MSL1: variants seen among roughly 807,000 people sequenced by gnomAD.
The protein encoded by MSL1 is male-specific lethal 1 homolog.
MSL1 carries 21 observed loss-of-function variants against 64.6 expected under a neutral mutation model. The observed-to-expected ratio is 0.33, with a 90% CI of 0.23 to 0.47. MSL1 has a LOEUF of 0.47. Among genes scored for constraint, MSL1 ranks in the 20% least tolerant of loss-of-function variants. MSL1 has a pLI of 1.00. For synonymous variants in MSL1, 339 were observed against 329.6 expected (o/e 1.03, Z -0.31); for missense variants, 664 against 793.2 (o/e 0.84, Z 1.96).
Position 40,133,081 on chromosome 17 carries a change from CTG to C in MSL1, c.1529_1530del (p.Leu510ArgfsTer4). ...DSVFSKRHAK[L>X]ELDEKRRKRW... is the part of the protein sequence containing the mutation. The stretch of plus-strand genomic sequence containing the variant: ...TGTGTTTTCGAAGCGGCATGCAAAA[CTG>C]GAGCTGGATGAGAAGAGAAGGAAAA... On this transcript the variant is annotated frameshift_variant, in exon 6 of 9. Coordinates refer to ENST00000398532, the MANE Select transcript of MSL1 (RefSeq NM_001365919.1). LOFTEE classifies it high-confidence loss of function. The C allele has an allele frequency of 6.2e-7, 1 of 1,611,048 alleles. No individual in the cohort carries two copies. The highest frequency in any genetic ancestry group is 2.2e-5 in the East Asian group (1 of 44,836).
chr17:40,123,871 G>A (rs1988252426), intron 1 of MSL1, among the ~76,000 whole-genome samples: 2 of 152,142 alleles, frequency 1.3e-5, no homozygotes, highest in Admixed American at 6.5e-5. Flanking sequence ...AGGGGTAGAG[G>A]TGATTTACGT....
chr17:40,133,767 A>G (rs1988487477), intron 7 of MSL1, 60 bp from the exon 8 acceptor site: 1 of 1,611,098 alleles, frequency 6.2e-7, no homozygotes, highest in East Asian at 2.2e-5. Context: ...GAGCAGATAT[A>G]GCTTCTAGAC....
intron 5 of MSL1, 61 bp from the exon 6 acceptor site, chr17:40,132,981 G>T: frequency 6.9e-7 from 1 of 1,448,508 alleles, no homozygotes; most frequent in South Asian, 1.2e-5. Context: ...AAATTAGTTA[G>T]TATATGTGTG....
Position 40,129,445 on chromosome 17 carries a change from C to G in MSL1, c.1193C>G (p.Pro398Arg), listed in dbSNP as rs1449926894. The change falls in exon 3 of 9, where the codon CCA becomes CGA. Residue 398 changes from proline (P) to arginine (R), a missense_variant. By Grantham distance (103) the Pro-to-Arg change is moderately radical. Coordinates refer to ENST00000398532, the MANE Select transcript of MSL1 (RefSeq NM_001365919.1). ...EKPRSSVDTP[P>R]RLSTPQKGPS... ...CCCCGGTCTTCAGTGGACACCCCAC[C>G]AAGACTCTCCACTCCCCAAAAGGGA... is the stretch of plus-strand genomic sequence containing the variant. The G allele has an allele frequency of 6.2e-7, 1 of 1,613,674 alleles. No individual in the cohort carries two copies. Among genetic ancestry groups the G allele is most frequent in the Non-Finnish European group, 8.5e-7 (1 of 1,179,782 alleles).
At chr17:40,129,155 C>T (rs952135592) in intron 2 of MSL1, 90 bp from the exon 3 acceptor site, 4 of 1,135,438 alleles carry the variant, frequency 3.5e-6, no homozygotes, top group African/African-American at 3.2e-5. Context: ...GGCAAAAGAA[C>T]CAGCTTATTC....
Position 40,131,890 on chromosome 17 carries a change from G to A in MSL1, c.1424-144G>A. On this transcript the variant is annotated intron_variant, in intron 4 of 8. Transcript: ENST00000398532. This position sits in a 1 kb window ranked among gnomAD's most constrained non-coding sequence, Gnocchi z 4.5. ...CAAGGACACTGAATATGGCTTCAGGGAGGCCATAGAATGGATTCCTATCAC... is the reference window on the plus strand; with the variant it reads ...CAAGGACACTGAATATGGCTTCAGGAAGGCCATAGAATGGATTCCTATCAC... 1 of 642,552 alleles carries A rather than the reference G, an allele frequency of 1.6e-6. No homozygotes were observed. Among genetic ancestry groups the A allele is most frequent in the Non-Finnish European group, 2.7e-6 (1 of 368,704 alleles). The allele number at this position is 642,552 out of a possible 1,614,324, so 39.8% of individuals were successfully genotyped here.
At position 40,129,236 on chromosome 17, in the gene MSL1, A is replaced by G. The variant is rs201879844; in HGVS notation, c.993-9A>G. 1.3e-6 allele frequency: 2 copies of G among 1,531,374 alleles called. No individual in the cohort carries two copies. The highest frequency in any genetic ancestry group is 2.8e-5 in the African/African-American group (2 of 71,608). The allele number at this position is 1,531,374 out of a possible 1,614,324, so 94.9% of individuals were successfully genotyped here. A position where few individuals can be genotyped will look rare whatever the true frequency, so the allele number is the denominator to read the frequency against. ...TAAATTTTATAATGTTTTCTTCCCT[A>G]TCTAATAGGAAATCCCCATTTGGAA... is the stretch of plus-strand genomic sequence containing the variant. On this transcript the variant is annotated splice_polypyrimidine_tract_variant and intron_variant, in intron 2 of 8. Transcript: ENST00000398532.
At chr17:40,128,549 A>T (rs143202407) in intron 2 of MSL1, among the ~76,000 whole-genome samples, 1 of 140,208 alleles carries the variant, frequency 7.1e-6, no homozygotes. Context: ...TAATTTTTGT[A>T]TTTTTTTTTT....
intron 1 of MSL1, 131 bp downstream of exon 1, chr17:40,123,511 C>T (rs1988241850): frequency 3.7e-6 from 3 of 812,606 alleles, no homozygotes; most frequent in South Asian, 3.3e-5. Context: ...AAAGGAGTAT[C>T]TTAGGCGCTG....
chr17:40,125,817 T>A (rs568422025), intron 1 of MSL1, among the ~76,000 whole-genome samples: 1 of 152,092 alleles, frequency 6.6e-6, no homozygotes, highest in African/African-American at 2.4e-5. Context: ...AAAACATGTA[T>A]ACAATTAATT....
At chr17:40,132,620 C>T (rs1012765581) in intron 5 of MSL1, among the ~76,000 whole-genome samples, 10 of 152,138 alleles carry the variant, frequency 6.6e-5, no homozygotes, top group Non-Finnish European at 1.0e-4. Context: ...GCCTGGGTGA[C>T]GGAGTGACTC....
chr17:40,124,830 CT>C (rs966295010), intron 1 of MSL1: 3 of 152,142 alleles, frequency 2.0e-5, no homozygotes, highest in Admixed American at 2.0e-4. Context: ...GGGTTCTCTG[CT>C]GATTGTGGAG....
At chr17:40,129,014 AAAAAC>A (rs1039528818) in intron 2 of MSL1, among the ~76,000 whole-genome samples, 9 of 151,988 alleles carry the variant, frequency 5.9e-5, no homozygotes, top group African/African-American at 2.2e-4. Flanking sequence ...ACTCTGTCTC[AAAAAC>A]AAAACAAAAC....
At position 40,122,813 on chromosome 17, in the gene MSL1, C is replaced by T; in HGVS notation, c.201C>T (p.Pro67=). The part of the protein sequence containing the change: ...PPLASSQGGS[P]APSPAGCGGK... The stretch of plus-strand genomic sequence containing the variant: ...TGGCCTCCTCCCAGGGCGGGAGCCC[C>T]GCGCCTTCCCCGGCCGGCTGCGGCG... The change falls in exon 1 of 9, where the codon CCC becomes CCT. Residue 67 remains proline, a synonymous_variant. Transcript: ENST00000398532. This position sits in a 1 kb window ranked among gnomAD's most constrained non-coding sequence, Gnocchi z 4.2. 1 of 1,370,468 alleles carries T rather than the reference C, an allele frequency of 7.3e-7. No individual in the cohort carries two copies. Among genetic ancestry groups the T allele is most frequent in the South Asian group, 1.7e-5 (1 of 58,986 alleles). The allele number at this position is 1,370,468 out of a possible 1,614,324, so 84.9% of individuals were successfully genotyped here. A position where few individuals can be genotyped will look rare whatever the true frequency, so the allele number is the denominator to read the frequency against.
At chr17:40,133,446 C>A (rs1165217037) in intron 6 of MSL1, 88 bp from the exon 7 acceptor site, 3 of 1,492,280 alleles carry the variant, frequency 2.0e-6, no homozygotes, top group Non-Finnish European at 2.7e-6. Flanking sequence ...TTCCTAGCAT[C>A]TGGATTGTGT....
chr17:40,122,381 C>T lies in MSL1; in HGVS notation c.-232C>T. The T allele has an allele frequency of 3.5e-6, 1 of 286,350 alleles. No homozygotes were observed. Among genetic ancestry groups the T allele is most frequent in the Non-Finnish European group, 6.4e-6 (1 of 155,452 alleles). 17.7% of individuals were successfully genotyped at this position (286,350 alleles called of 1,614,324 possible). ...GCGGCGGCGGCGGCAGCAGAGGCGG[C>T]GGCGAGGCCCCCATGGGCCGGCGGC... On this transcript the variant is annotated 5_prime_UTR_variant, in exon 1 of 9. Transcript: ENST00000398532. The surrounding 1 kb of genome is among the most constrained non-coding windows in gnomAD (Gnocchi z 4.2).
intron 6 of MSL1, 173 bp from the exon 7 acceptor site, chr17:40,133,361 C>A: frequency 2.3e-6 from 2 of 860,264 alleles, no homozygotes; most frequent in Non-Finnish European, 1.7e-6. Context: ...ATGATCTAAA[C>A]GGTAGACCTA....
In MSL1 at chr17:40,123,155, A is replaced by T. The variant is rs1392323093; in HGVS notation, c.543A>T (p.Pro181=). ...GPPPLPLPGP[P]PLAPTATAGT... Reference sequence around the variant, plus strand: ...CACCACTACCTCTGCCCGGGCCGCCACCCCTCGCGCCCACCGCCACCGCCG... The same window carrying T: ...CACCACTACCTCTGCCCGGGCCGCCTCCCCTCGCGCCCACCGCCACCGCCG... The change falls in exon 1 of 9, where the codon CCA becomes CCT. Residue 181 remains proline, a synonymous_variant. Transcript: ENST00000398532. 6.5e-7 allele frequency: 1 copy of T among 1,532,424 alleles called. No homozygotes were observed. Among genetic ancestry groups the T allele is most frequent in the African/African-American group, 1.4e-5 (1 of 72,366 alleles). 94.9% of individuals were successfully genotyped at this position (1,532,424 alleles called of 1,614,324 possible).
At position 40,132,087 on chromosome 17, in the gene MSL1, G is replaced by C; in HGVS notation, c.1477G>C (p.Asp493His). Reference protein sequence around the residue: ...VEPLRDPNPSDLLENLDDSVF... With the variant: ...VEPLRDPNPSHLLENLDDSVF... ...GCCTCTAAGGGACCCAAATCCTTCA[G>C]ACCTTTTGGAGGTAGGTAACCAAGA... The change falls in exon 5 of 9, where the codon GAC (aspartate) becomes CAC (histidine). Residue 493 changes from aspartate (D) to histidine (H), a missense_variant. By Grantham distance (81) the Asp-to-His change is moderately conservative. Around this residue, in one of 4 missense-constraint regions of MSL1, gnomAD observed 119 missense variants for 164.3 expected, o/e 0.72. Transcript: ENST00000398532. 1 of 1,602,092 alleles carries C rather than the reference G, an allele frequency of 6.2e-7. No homozygotes were observed. Among genetic ancestry groups the C allele is most frequent in the Middle Eastern group, 1.7e-4 (1 of 5,924 alleles).
Sources: gnomAD v4.1 joint callset for allele counts (sites outside exome capture counted in the v4.1 genomes callset) on GRCh38, gnomAD v4.1.1 for gene constraint, gnomAD v4.1.1 regional missense constraint, Gnocchi (gnomAD v3.1) non-coding constraint, MANE v1.5 for transcripts, NCBI Gene and HGNC (gene_info 2026-07-23, HGNC 2026-07-21) for gene names.